Variants in DPP10 observed in about 807,000 individuals in gnomAD.
The protein encoded by DPP10 is inactive dipeptidyl peptidase 10.
Under a neutral mutation model 120.9 loss-of-function variants are expected in DPP10, and 33 were observed. The observed-to-expected ratio is 0.27, with a 90% CI of 0.21 to 0.37. DPP10 has a LOEUF of 0.37. Ranked by LOEUF, DPP10 falls within the 10% of genes least tolerant of loss-of-function variation. DPP10 has a pLI of 1.00. For missense variants in DPP10, 816 were observed against 942.8 expected (o/e 0.87, Z 1.76); for synonymous variants, 337 against 326.1 (o/e 1.03, Z -0.36).
intron 1 of DPP10, among the ~76,000 whole-genome samples, chr2:114,688,283 T>C (rs534080278): frequency 6.6e-6 from 1 of 152,088 alleles, no homozygotes; most frequent in African/African-American, 2.4e-5. Context: ...ATCTCCTGAA[T>C]CTAAAATATA....
In DPP10 at chr2:115,814,950, G is replaced by C; in HGVS notation, c.1858G>C (p.Gly620Arg). 6.2e-7 allele frequency: 1 copy of C among 1,611,458 alleles called. No individual in the cohort carries two copies. Among genetic ancestry groups the C allele is most frequent in the Non-Finnish European group, 8.5e-7 (1 of 1,178,102 alleles). The change falls in exon 20 of 26, where the codon GGT (glycine) becomes CGT (arginine). Residue 620 changes from glycine (G) to arginine (R), a missense_variant. Gly to Arg is a moderately radical substitution (Grantham distance 125). This residue lies in a region of DPP10 where 592 missense variants were observed against 649.0 expected (regional missense o/e 0.91). Coordinates refer to ENST00000410059, the MANE Select transcript of DPP10 (RefSeq NM_020868.6). ...TTTGCAGGAGATTCATCGAAGATTA[G>C]GTTCAGTAGAAGTAAAGGACCAAAT... Reference protein sequence around the residue: ...KILQEIHRRLGSVEVKDQITA... With the variant: ...KILQEIHRRLRSVEVKDQITA...
chr2:114,973,661 CA>C (rs58042446), intron 1 of DPP10, among the ~76,000 whole-genome samples: 20,271 of 69,608 alleles, frequency 0.29, 1,312 homozygotes, highest in Middle Eastern at 0.36. Context: ...GACTCCGTCT[CA>C]AAAAAAAAAA....
intron 1 of DPP10, among the ~76,000 whole-genome samples, chr2:115,163,627 T>G (rs2104990571): frequency 6.6e-6 from 1 of 152,318 alleles, no homozygotes; most frequent in South Asian, 2.1e-4. Context: ...AACGGGAACA[T>G]GGATTGAACA....
intron 2 of DPP10, among the ~76,000 whole-genome samples, chr2:115,336,942 T>A (rs966494810): frequency 6.6e-6 from 1 of 152,024 alleles, no homozygotes; most frequent in Non-Finnish European, 1.5e-5. Context: ...TTTAAATGTA[T>A]CAAATAGTAA....
At chr2:115,762,502 A>G (rs1425354818) in intron 11 of DPP10, 70 bp from the exon 12 acceptor site, 1 of 1,576,218 alleles carries the variant, frequency 6.3e-7, no homozygotes. Flanking sequence ...ACCGTGTTTT[A>G]AAAAAGTTAA....
intron 1 of DPP10, among the ~76,000 whole-genome samples, chr2:114,545,534 C>T (rs191109128): frequency 6.1e-4 from 93 of 152,304 alleles, no homozygotes; most frequent in African/African-American, 2.1e-3. Context: ...AACTGCCTTA[C>T]CTTCTTCTTA....
chr2:115,135,241 GAT>G (rs10534692), intron 1 of DPP10, among the ~76,000 whole-genome samples: 113,790 of 147,798 alleles, frequency 0.77, 44,311 homozygotes, highest in East Asian at 0.97. Flanking sequence ...GGGCCCTTGA[GAT>G]ATATATATAT....
intron 1 of DPP10, among the ~76,000 whole-genome samples, chr2:114,512,351 G>A (rs1684216179): frequency 6.6e-6 from 1 of 151,996 alleles, no homozygotes; most frequent in Non-Finnish European, 1.5e-5. Context: ...ATCCCTTCCT[G>A]CTCATCTCTA....
At chr2:115,546,497 T>C (rs545591789) in intron 5 of DPP10, among the ~76,000 whole-genome samples, 2 of 152,282 alleles carry the variant, frequency 1.3e-5, no homozygotes, top group Admixed American at 1.3e-4. Context: ...CTCTGTATTA[T>C]ATCTACCAAT....
intron 1 of DPP10, among the ~76,000 whole-genome samples, chr2:114,908,974 A>T (rs1217362055): frequency 6.6e-6 from 1 of 151,782 alleles, no homozygotes; most frequent in Non-Finnish European, 1.5e-5. Flanking sequence ...AGTTTACTAC[A>T]TTGTCAAGTT....
chr2:114,740,968 T>C (rs1677999204), intron 1 of DPP10, among the ~76,000 whole-genome samples: 1 of 152,234 alleles, frequency 6.6e-6, no homozygotes, highest in African/African-American at 2.4e-5. Context: ...TTAAAAAACA[T>C]TACTGGGTTC....
At chr2:115,120,147 A>G (rs141735834) in intron 1 of DPP10, among the ~76,000 whole-genome samples, 127 of 152,322 alleles carry the variant, frequency 8.3e-4, no homozygotes, top group African/African-American at 2.8e-3. Context: ...AGTTTTATCC[A>G]TGTCATCAGT....
chr2:115,038,292 A>G (rs1704369880), intron 1 of DPP10, among the ~76,000 whole-genome samples: 1 of 148,588 alleles, frequency 6.7e-6, no homozygotes, highest in South Asian at 2.1e-4. Flanking sequence ...ATTTTTTGAG[A>G]TGGAGTCTCG....
chr2:114,536,408 C>CTTTTTTTTTTTTTTTTTT (rs70937287), intron 1 of DPP10, among the ~76,000 whole-genome samples: 5 of 128,732 alleles, frequency 3.9e-5, no homozygotes, highest in Non-Finnish European at 4.8e-5. Flanking sequence ...TTTTCTTTTT[C>CTTTTTTTTTTTTTTTTTT]TTTTTTTTTT....
chr2:115,836,652 A>G, intron 23 of DPP10, 22 bp from the exon 24 acceptor site: 4 of 1,610,982 alleles, frequency 2.5e-6, no homozygotes, highest in Non-Finnish European at 3.4e-6. Context: ...ATAGATACAG[A>G]TATTTGTATT....
rs568145733 is a variant in DPP10 at position 114,748,349 on chromosome 2, T to A, written c.60+305511T>A. ...ACAAAGGGAATTTTCTTTTTTTTTTTTATTTTTTTTTATTTTATTTATTTA... is the reference window on the plus strand; with the variant it reads ...ACAAAGGGAATTTTCTTTTTTTTTTATATTTTTTTTTATTTTATTTATTTA... On this transcript the variant is annotated intron_variant, in intron 1 of 25. Coordinates refer to ENST00000410059, the MANE Select transcript of DPP10 (RefSeq NM_020868.6). Among the ~76,000 whole-genome samples the A allele has an allele frequency of 2.1e-4, 25 of 120,010 alleles. 2 individuals carry two copies. In the South Asian group the frequency reaches 6.9e-3, roughly 33 times the overall value. The allele number at this position is 120,010 out of a possible 152,430, so 78.7% of individuals were successfully genotyped here.
At chr2:115,704,432 C>G (rs1295474967) in intron 7 of DPP10, among the ~76,000 whole-genome samples, 2 of 151,856 alleles carry the variant, frequency 1.3e-5, no homozygotes, top group Admixed American at 6.6e-5. Context: ...TGAGGGGGAA[C>G]ACCTAGAATA....
chr2:115,378,699 T>C (rs2066018282), intron 3 of DPP10, among the ~76,000 whole-genome samples: 1 of 152,086 alleles, frequency 6.6e-6, no homozygotes, highest in African/African-American at 2.4e-5. Flanking sequence ...TTGTCATAGA[T>C]AGCTCTTATT....
intron 1 of DPP10, among the ~76,000 whole-genome samples, chr2:115,076,904 A>G (rs1707847923): frequency 6.6e-6 from 1 of 152,270 alleles, no homozygotes; most frequent in African/African-American, 2.4e-5. Flanking sequence ...GTTCACTTTT[A>G]CTATCACACT....
Sources: allele counts gnomAD v4.1 joint callset (sites outside exome capture counted in the v4.1 genomes callset), GRCh38; gene constraint gnomAD v4.1.1; regional missense constraint gnomAD v4.1.1; transcripts MANE v1.5; gene names NCBI Gene and HGNC (gene_info 2026-07-23, HGNC 2026-07-21).